Variants in EMP2 observed in about 807,000 individuals in gnomAD.
EMP2 encodes the protein epithelial membrane protein 2.
In EMP2, 19 loss-of-function variants were observed where a neutral mutation model predicts 13.7. The ratio of observed to expected loss-of-function variants is 1.38; its 90% CI spans 0.97 to 2.03. The LOEUF (loss-of-function observed/expected upper bound fraction) is 2.03, where lower values mean the gene tolerates loss of function less well. Ranked by LOEUF, EMP2 falls within the 30% of genes most tolerant of loss-of-function variation. The probability of loss-of-function intolerance (pLI) is 0.00; values close to 1 mark genes in which losing one functional copy is unlikely to be tolerated. For synonymous variants in EMP2, 97 were observed against 84.7 expected (o/e 1.15, Z -0.80); for missense variants, 253 against 220.7 (o/e 1.15, Z -0.93).
intron 3 of EMP2, 146 bp downstream of exon 3, chr16:10,543,424 G>T: frequency 2.3e-6 from 2 of 861,810 alleles, no homozygotes; most frequent in Non-Finnish European, 1.9e-6. Context: ...CTCCGCTCCA[G>T]CACACACTGA....
Position 10,538,011 on chromosome 16 carries a change from G to C in EMP2, c.233C>G (p.Ala78Gly), listed in dbSNP as rs1372265065. 6.2e-7 allele frequency: 1 copy of C among 1,613,982 alleles called. No individual in the cohort carries two copies. Among genetic ancestry groups the C allele is most frequent in the African/African-American group, 1.3e-5 (1 of 74,898 alleles). ...MILSTILCCIAFFIFVLQLFR... is the reference protein window; with the variant it reads ...MILSTILCCIGFFIFVLQLFR... ...GAGCTGGAGCACGAAGATGAAGAAG[G>C]CGATGCAGCAGAGAATGGTGGAGAG... Residue 78 changes from alanine to glycine, a missense_variant, in exon 4 of 5, where the codon GCC becomes GGC. Transcript: ENST00000359543.
chr16:10,564,886 TA>T, intron 1 of EMP2, among the ~76,000 whole-genome samples: 1 of 152,330 alleles, frequency 6.6e-6, no homozygotes, highest in South Asian at 2.1e-4. Flanking sequence ...ACTCACTTTT[TA>T]AACTTATATT....
intron 2 of EMP2, chr16:10,546,741 A>T (rs1406517767): frequency 6.6e-6 from 1 of 152,282 alleles, no homozygotes; most frequent in African/African-American, 2.4e-5. Flanking sequence ...GAGCTACTGC[A>T]TCTAGCAGAT....
rs751252690 is a variant in EMP2 at position 10,533,091 on chromosome 16, A to C, written c.318T>G (p.Cys106Trp). The change falls in exon 5 of 5, where the codon TGT (cysteine) becomes TGG (tryptophan). Residue 106 changes from cysteine (C) to tryptophan (W), a missense_variant and splice_region_variant. Physicochemically the swap from Cys to Trp is radical, Grantham distance 215. Coordinates refer to ENST00000359543, the MANE Select transcript of EMP2 (RefSeq NM_001424.6). ...TGGAGGCCGCAATCATGACACACAG[A>C]CCTGTCAGGAAGAAAGGTGAATTTT... ...VLTSIIQLMS[C>W]LCVMIAASIY... 4.5e-6 allele frequency: 7 copies of C among 1,560,122 alleles called. No homozygotes were observed. The highest frequency in any genetic ancestry group is 6.1e-6 in the Non-Finnish European group (7 of 1,148,368).
Position 10,533,103 on chromosome 16 carries a change from G to T in EMP2, c.317-11C>A. 6.5e-7 allele frequency: 1 copy of T among 1,544,316 alleles called. No individual in the cohort carries two copies. Among genetic ancestry groups the T allele is most frequent in the Non-Finnish European group, 8.8e-7 (1 of 1,138,704 alleles). On this transcript the variant is annotated splice_polypyrimidine_tract_variant and intron_variant, in intron 4 of 4. Coordinates refer to ENST00000359543, the MANE Select transcript of EMP2 (RefSeq NM_001424.6). Reference sequence around the variant, plus strand: ...TCATGACACACAGACCTGTCAGGAAGAAAGGTGAATTTTCAATAAATCATG... The same window carrying T: ...TCATGACACACAGACCTGTCAGGAATAAAGGTGAATTTTCAATAAATCATG...
chr16:10,549,883 C>CTTTTT (rs59259895), intron 1 of EMP2, among the ~76,000 whole-genome samples: 228 of 112,226 alleles, frequency 2.0e-3, no homozygotes, highest in African/African-American at 4.7e-3. Flanking sequence ...TTTTCTTTTT[C>CTTTTT]TTTTTTTTTT....
chr16:10,558,544 C>T (rs2050849416), intron 1 of EMP2, among the ~76,000 whole-genome samples: 1 of 151,898 alleles, frequency 6.6e-6, no homozygotes. Context: ...ACACAAACAA[C>T]CTTCTGGAGG....
chr16:10,565,952 A>G (rs551930000), intron 1 of EMP2, among the ~76,000 whole-genome samples: 1 of 152,300 alleles, frequency 6.6e-6, no homozygotes, highest in African/African-American at 2.4e-5. Flanking sequence ...CAACTGGGAA[A>G]CTGACTCAAC....
chr16:10,575,931 T>G (rs539868202), intron 1 of EMP2, among the ~76,000 whole-genome samples: 15 of 152,132 alleles, frequency 9.9e-5, no homozygotes, highest in Admixed American at 2.0e-4. Context: ...TCTCAGATAT[T>G]TCAGGATGAG....
At position 10,578,758 on chromosome 16, in the gene EMP2, G is replaced by A. The variant is rs1011633346; in HGVS notation, c.-61+1791C>T. 4.6e-5 allele frequency among the ~76,000 whole-genome samples: 7 copies of A among 152,350 alleles called. No homozygotes were observed. In the South Asian group the frequency reaches 6.2e-4, roughly 14 times the overall value. On this transcript the variant is annotated intron_variant, in intron 1 of 4. Transcript: ENST00000359543. ...GTGGCCAGCCCTCTGCCTCCTACTC[G>A]ACTCCCTGGCTCCCCATGGGATGGA...
At chr16:10,548,290 T>G (rs2050755598) in intron 1 of EMP2, among the ~76,000 whole-genome samples, 1 of 152,190 alleles carries the variant, frequency 6.6e-6, no homozygotes, top group Non-Finnish European at 1.5e-5. Flanking sequence ...TGATTCCCCA[T>G]GCTCAGAAGC....
intron 3 of EMP2, among the ~76,000 whole-genome samples, chr16:10,539,642 A>C (rs947086214): frequency 6.6e-6 from 1 of 152,106 alleles, no homozygotes; most frequent in African/African-American, 2.4e-5. Flanking sequence ...GTGGGTGTTT[A>C]TACAATTGTC....
rs1002231751 is a variant in EMP2 at position 10,529,980 on chromosome 16, C to T, written c.*2925G>A. ...AGAAAAAAGAAAATTATAGAAAAGC[C>T]ACCAAGGTAGAAAGTTTCAAGGGAA... is the stretch of plus-strand genomic sequence containing the variant. On this transcript the variant is annotated 3_prime_UTR_variant, in exon 5 of 5. Transcript: ENST00000359543. 5.3e-5 allele frequency: 8 copies of T among 151,510 alleles called. No homozygotes were observed. Among genetic ancestry groups the T allele is most frequent in the African/African-American group, 1.9e-4 (8 of 41,144 alleles). 9.4% of individuals were successfully genotyped at this position (151,510 alleles called of 1,614,324 possible). A position where few individuals can be genotyped will look rare whatever the true frequency, so the allele number is the denominator to read the frequency against.
At chr16:10,570,522 C>A (rs1477447334) in intron 1 of EMP2, among the ~76,000 whole-genome samples, 1 of 152,150 alleles carries the variant, frequency 6.6e-6, no homozygotes, top group African/African-American at 2.4e-5. Context: ...CTCAGCCTCC[C>A]AAGTAGCTGG....
In EMP2 at chr16:10,529,142, C is replaced by T. The variant is rs1391662973; in HGVS notation, c.*3763G>A. 1 of 152,130 alleles carries T rather than the reference C, an allele frequency of 6.6e-6. No homozygotes were observed. Among genetic ancestry groups the T allele is most frequent in the Non-Finnish European group, 1.5e-5 (1 of 68,026 alleles). The allele number at this position is 152,130 out of a possible 1,614,324, so 9.4% of individuals were successfully genotyped here. A position where few individuals can be genotyped will look rare whatever the true frequency, so the allele number is the denominator to read the frequency against. On this transcript the variant is annotated 3_prime_UTR_variant, in exon 5 of 5. Coordinates refer to ENST00000359543, the MANE Select transcript of EMP2 (RefSeq NM_001424.6). ...GAGTTAGTCTGTCTCCATCACATAG[C>T]CCCTCAATGAAAGAATTACAGTACT...
At chr16:10,550,612 G>A (rs1454243528) in intron 1 of EMP2, among the ~76,000 whole-genome samples, 1 of 152,158 alleles carries the variant, frequency 6.6e-6, no homozygotes, top group Non-Finnish European at 1.5e-5. Context: ...CATTGGTGAT[G>A]CTAACTTTGA....
At chr16:10,556,682 C>T (rs1296438734) in intron 1 of EMP2, among the ~76,000 whole-genome samples, 1 of 152,244 alleles carries the variant, frequency 6.6e-6, no homozygotes, top group East Asian at 1.9e-4. Context: ...GCACATGCTG[C>T]ACAGGATTTT....
chr16:10,559,940 C>G (rs7205302), intron 1 of EMP2, among the ~76,000 whole-genome samples: 71,757 of 151,950 alleles, frequency 0.47, 17,105 homozygotes, highest in African/African-American at 0.52. Context: ...CTCCCAAAGT[C>G]CTGGGATTAC....
At position 10,530,286 on chromosome 16, in the gene EMP2, T is replaced by C. The variant is rs1039789734; in HGVS notation, c.*2619A>G. Reference sequence around the variant, plus strand: ...GCCTCACACAGTGCCTGGAACATGGTAAACATTTAATACTATCTGTCAAAA... The same window carrying C: ...GCCTCACACAGTGCCTGGAACATGGCAAACATTTAATACTATCTGTCAAAA... On this transcript the variant is annotated 3_prime_UTR_variant, in exon 5 of 5. Coordinates refer to ENST00000359543, the MANE Select transcript of EMP2 (RefSeq NM_001424.6). 2.6e-5 allele frequency: 4 copies of C among 152,170 alleles called. No homozygotes were observed. The highest frequency in any genetic ancestry group is 9.7e-5 in the African/African-American group (4 of 41,386). 9.4% of individuals were successfully genotyped at this position (152,170 alleles called of 1,614,324 possible).
Sources: gnomAD v4.1 joint callset for allele counts (sites outside exome capture counted in the v4.1 genomes callset) on GRCh38, gnomAD v4.1.1 for gene constraint, MANE v1.5 for transcripts, NCBI Gene and HGNC (gene_info 2026-07-23, HGNC 2026-07-21) for gene names.